The following ZMIZ1 variants were observed in gnomAD, a reference collection of about 807,000 sequenced individuals.
The protein encoded by ZMIZ1 is zinc finger MIZ domain-containing protein 1.
ZMIZ1 carries 17 observed loss-of-function variants against 113.9 expected under a neutral mutation model. The ratio of observed to expected loss-of-function variants is 0.15; its 90% CI spans 0.10 to 0.22. The LOEUF (loss-of-function observed/expected upper bound fraction) is 0.22. ZMIZ1 is among the 10% of genes least tolerant of loss of function. The probability of loss-of-function intolerance (pLI) is 1.00; values close to 1 mark genes in which losing one functional copy is unlikely to be tolerated. For synonymous variants in ZMIZ1, 607 were observed against 603.1 expected, an observed-to-expected ratio of 1.01 and a Z score of -0.09; for missense variants, 1,059 against 1,477.8, an observed-to-expected ratio of 0.72 and a Z score of 4.65.
At chr10:79,267,217 C>T (rs1401501968) in intron 7 of ZMIZ1, among the ~76,000 whole-genome samples, 1 of 152,188 alleles carries the variant, frequency 6.6e-6, no homozygotes, top group Non-Finnish European at 1.5e-5. Flanking sequence ...AGGGGAGCAC[C>T]CAGTCCAGTA....
chr10:79,101,984 T>C (rs1439607787), intron 1 of ZMIZ1, among the ~76,000 whole-genome samples: 1 of 152,118 alleles, frequency 6.6e-6, no homozygotes, highest in South Asian at 2.1e-4. Context: ...TCCGACCAGC[T>C]CCCAGCCTCC....
In ZMIZ1 at chr10:79,102,727, C is replaced by T. The variant is rs1453095832; in HGVS notation, c.-336-16188C>T. On this transcript the variant is annotated intron_variant, in intron 1 of 24. Transcript: ENST00000334512. ...CTTGCTGCTGCTTTGCTGCCGTAGG[C>T]TACCAGGCCCACATAGCACCTCTCC... is the stretch of plus-strand genomic sequence containing the variant. Among the ~76,000 whole-genome samples the T allele has an allele frequency of 3.9e-5, 6 of 152,314 alleles. No homozygotes were observed. In the East Asian group the frequency reaches 1.2e-3, roughly 29 times the overall value.
chr10:79,237,288 T>C (rs1043975518), intron 7 of ZMIZ1, among the ~76,000 whole-genome samples: 1 of 150,644 alleles, frequency 6.6e-6, no homozygotes, highest in Admixed American at 6.6e-5. Flanking sequence ...AGGACTTGCA[T>C]TTTACACCAA....
intron 1 of ZMIZ1, among the ~76,000 whole-genome samples, chr10:79,115,568 C>T (rs1276245705): frequency 2.0e-5 from 3 of 152,216 alleles, no homozygotes; most frequent in Non-Finnish European, 4.4e-5. Flanking sequence ...CTTGGCCTGT[C>T]AGGGATTCCA....
At chr10:79,291,256 C>T in intron 10 of ZMIZ1, 80 bp downstream of exon 10, 1 of 1,419,810 alleles carries the variant, frequency 7.0e-7, no homozygotes, top group Non-Finnish European at 9.4e-7. Context: ...CCACTTAAAT[C>T]CCAGCTCCAC....
In ZMIZ1 at chr10:79,313,979, T is replaced by C; in HGVS notation, c.*1230T>C. On this transcript the variant is annotated 3_prime_UTR_variant, in exon 25 of 25. Coordinates refer to ENST00000334512, the MANE Select transcript of ZMIZ1 (RefSeq NM_020338.4). ...CCGGCTGCAGCCCAGGCCATGGACA[T>C]GTGCACCAGTATGTACCTGCAGGCA... The C allele has an allele frequency of 2.2e-6, 1 of 449,472 alleles. No homozygotes were observed. The highest frequency in any genetic ancestry group is 4.5e-6 in the Non-Finnish European group (1 of 223,176). The allele number at this position is 449,472 out of a possible 1,614,324, so 27.8% of individuals were successfully genotyped here. A position where few individuals can be genotyped will look rare whatever the true frequency, so the allele number is the denominator to read the frequency against.
At chr10:79,303,048 G>A (rs1854433915) in intron 18 of ZMIZ1, among the ~76,000 whole-genome samples, 1 of 152,058 alleles carries the variant, frequency 6.6e-6, no homozygotes, top group Non-Finnish European at 1.5e-5. Context: ...TTTTAGTAGA[G>A]ACGGGGTTTC....
chr10:79,152,257 G>A (rs900681080), intron 3 of ZMIZ1, among the ~76,000 whole-genome samples: 3 of 152,192 alleles, frequency 2.0e-5, no homozygotes, highest in African/African-American at 7.2e-5. Flanking sequence ...CCAGCACTTT[G>A]GGAGGCTGAG....
intron 3 of ZMIZ1, among the ~76,000 whole-genome samples, chr10:79,143,184 C>T (rs140008092): frequency 1.3e-5 from 2 of 152,146 alleles, no homozygotes; most frequent in Non-Finnish European, 2.9e-5. Context: ...CTCCCCACCG[C>T]TCCATCTCTC....
At chr10:79,171,616 T>G (rs1489705001) in intron 4 of ZMIZ1, among the ~76,000 whole-genome samples, 1 of 152,200 alleles carries the variant, frequency 6.6e-6, no homozygotes, top group African/African-American at 2.4e-5. Flanking sequence ...TCTAGGCCAC[T>G]GTAGGTCACA....
chr10:79,208,800 T>C (rs1848432175), intron 6 of ZMIZ1, among the ~76,000 whole-genome samples: 1 of 152,174 alleles, frequency 6.6e-6, no homozygotes, highest in South Asian at 2.1e-4. Context: ...CATTCATTCA[T>C]TCACTTAGCA....
rs1226518626 is a variant in ZMIZ1, at chr10:79,218,782, A to C, written c.280+2508A>C. ...AAGAGAAAGAGCGTCTTTGCAGTTA[A>C]GGGGACAGCCTGTGCAAAGGTGTTG... is the stretch of plus-strand genomic sequence containing the variant. On this transcript the variant is annotated intron_variant, in intron 7 of 24. Coordinates refer to ENST00000334512, the MANE Select transcript of ZMIZ1 (RefSeq NM_020338.4). Among the ~76,000 whole-genome samples the C allele has an allele frequency of 2.6e-5, 4 of 152,160 alleles. No homozygotes were observed. In the East Asian group the frequency reaches 7.7e-4, roughly 29 times the overall value.
intron 1 of ZMIZ1, among the ~76,000 whole-genome samples, chr10:79,074,651 G>C (rs368938517): frequency 6.6e-6 from 1 of 152,202 alleles, no homozygotes; most frequent in African/African-American, 2.4e-5. Flanking sequence ...GTCCCTCTTC[G>C]GGCTGAGTCA....
At chr10:79,264,574 T>C (rs567410261) in intron 7 of ZMIZ1, among the ~76,000 whole-genome samples, 1 of 152,218 alleles carries the variant, frequency 6.6e-6, no homozygotes, top group Non-Finnish European at 1.5e-5. Flanking sequence ...TAGGGTAAGA[T>C]GACAGAGGCC....
At chr10:79,075,454 G>T (rs1430952359) in intron 1 of ZMIZ1, among the ~76,000 whole-genome samples, 1 of 152,182 alleles carries the variant, frequency 6.6e-6, no homozygotes, top group Non-Finnish European at 1.5e-5. Context: ...TGCCCCTAGA[G>T]ATAGGGCTTG....
At chr10:79,071,315 G>A (rs1278590487) in intron 1 of ZMIZ1, among the ~76,000 whole-genome samples, 3 of 152,272 alleles carry the variant, frequency 2.0e-5, no homozygotes, top group Non-Finnish European at 4.4e-5. Flanking sequence ...TCCCTGGTGG[G>A]TGTGAGGACA....
chr10:79,134,756 T>C (rs1844922797), intron 2 of ZMIZ1, among the ~76,000 whole-genome samples: 1 of 152,234 alleles, frequency 6.6e-6, no homozygotes, highest in Non-Finnish European at 1.5e-5. Context: ...AACCCATGAT[T>C]TCACAGATCA....
intron 3 of ZMIZ1, among the ~76,000 whole-genome samples, chr10:79,146,591 G>T (rs1021048511): frequency 5.9e-5 from 9 of 152,236 alleles, no homozygotes; most frequent in African/African-American, 1.9e-4. Flanking sequence ...TGGGCTTTGG[G>T]ATTCTCCCTG....
At chr10:79,191,860 G>A (rs1040298624) in intron 4 of ZMIZ1, among the ~76,000 whole-genome samples, 2 of 152,216 alleles carry the variant, frequency 1.3e-5, no homozygotes, top group African/African-American at 4.8e-5. Context: ...TTCACCTGTA[G>A]TACTGTAATA....
Sources: gnomAD v4.1 joint callset for allele counts (sites outside exome capture counted in the v4.1 genomes callset) on GRCh38, gnomAD v4.1.1 for gene constraint, MANE v1.5 for transcripts, NCBI Gene and HGNC (gene_info 2026-07-23, HGNC 2026-07-21) for gene names.